The following KCNQ1 variants were observed in gnomAD, a reference collection of about 807,000 sequenced individuals.
The protein encoded by KCNQ1 is potassium voltage-gated channel subfamily KQT member 1.
A neutral mutation model predicts 72.4 loss-of-function variants in KCNQ1; 49 were observed. That is an observed-to-expected ratio of 0.68 (90% CI 0.54 to 0.86). The LOEUF is 0.86. KCNQ1 is among the 40% of genes least tolerant of loss of function. KCNQ1 has a pLI of 0.00. For synonymous variants in KCNQ1, 450 were observed against 412.6 expected, an observed-to-expected ratio of 1.09 and a Z score of -1.10; for missense variants, 790 against 945.1, an observed-to-expected ratio of 0.84 and a Z score of 2.15.
At chr11:2,700,817 G>A (rs990339513) in intron 11 of KCNQ1, among the ~76,000 whole-genome samples, 3 of 152,104 alleles carry the variant, frequency 2.0e-5, no homozygotes, top group Non-Finnish European at 2.9e-5. Flanking sequence ...GCGTCTGCCG[G>A]CCCCTCCCCT....
Position 2,676,702 on chromosome 11 carries a change from C to T in KCNQ1, c.1514+14621C>T. On this transcript the variant is annotated intron_variant, in intron 11 of 15. Coordinates refer to ENST00000155840, the MANE Select transcript of KCNQ1 (RefSeq NM_000218.3). This position sits in a 1 kb window ranked among gnomAD's most constrained non-coding sequence, Gnocchi z 4.2. ...GAGCACTAACTGGACTACAGCCTGG[C>T]AGGAGATAACCAAGTCATATGCATA... The T allele has an allele frequency of 2.5e-6, 1 of 398,620 alleles. No homozygotes were observed. The highest frequency in any genetic ancestry group is 4.4e-6 in the Non-Finnish European group (1 of 226,066). 24.7% of individuals were successfully genotyped at this position (398,620 alleles called of 1,614,324 possible).
rs1850245080 is a variant in KCNQ1 at position 2,674,224 on chromosome 11, G to A, written c.1514+12143G>A. On this transcript the variant is annotated intron_variant, in intron 11 of 15. Coordinates refer to ENST00000155840, the MANE Select transcript of KCNQ1 (RefSeq NM_000218.3). This position sits in a 1 kb window ranked among gnomAD's most constrained non-coding sequence, Gnocchi z 5.9. ...AGTTGTGGGTTTTTCTTGGGGCCCA[G>A]ATAGATGTGAGCAGAGCTGGAGGCC... 1 of 398,626 alleles carries A rather than the reference G, an allele frequency of 2.5e-6. No individual in the cohort carries two copies. Among genetic ancestry groups the A allele is most frequent in the Admixed American group, 4.4e-5 (1 of 22,722 alleles). 24.7% of individuals were successfully genotyped at this position (398,626 alleles called of 1,614,324 possible). A position where few individuals can be genotyped will look rare whatever the true frequency, so the allele number is the denominator to read the frequency against.
intron 11 of KCNQ1, chr11:2,672,030 G>A (rs923428179): frequency 7.5e-6 from 3 of 398,524 alleles, no homozygotes; most frequent in African/African-American, 2.1e-5. Flanking sequence ...TCCCTACCCT[G>A]GCCCGGTCTG....
In KCNQ1 at chr11:2,620,948, G is replaced by GT. The variant is rs58203092; in HGVS notation, c.1393+32103dup. 0.036 allele frequency: 13,926 copies of GT among 385,888 alleles called. 647 individuals are homozygous for GT. The highest frequency in any genetic ancestry group is 0.15 in the African/African-American group (7,031 of 47,484). The allele number at this position is 385,888 out of a possible 1,614,324, so 23.9% of individuals were successfully genotyped here. Reference sequence around the variant, plus strand: ...TTTTTTGTTGTTGTTGTTTTGTTTTGTTTTTTTTTGTCTGTTTTTTGCTTT... The same window carrying GT: ...TTTTTTGTTGTTGTTGTTTTGTTTTGTTTTTTTTTTGTCTGTTTTTTGCTTT... On this transcript the variant is annotated intron_variant, in intron 10 of 15. Transcript: ENST00000155840. The surrounding 1 kb of genome is among the most constrained non-coding windows in gnomAD (Gnocchi z 4.5).
chr11:2,814,966 CA>C (rs1279703346), intron 15 of KCNQ1, among the ~76,000 whole-genome samples: 42 of 152,340 alleles, frequency 2.8e-4, no homozygotes, highest in African/African-American at 8.9e-4. Context: ...CAGACGGCCC[CA>C]GCGCTATGCC....
intron 10 of KCNQ1, chr11:2,625,856 AC>A (rs1428078267): frequency 1.8e-5 from 7 of 398,546 alleles, no homozygotes; most frequent in African/African-American, 1.4e-4. Flanking sequence ...GGCGTGAGCC[AC>A]CGTGCCTGGC....
At chr11:2,718,284 C>T (rs1191384968) in intron 11 of KCNQ1, among the ~76,000 whole-genome samples, 2 of 152,200 alleles carry the variant, frequency 1.3e-5, no homozygotes, top group Non-Finnish European at 2.9e-5. Context: ...CAGGTAGACC[C>T]CCACACTTAG....
intron 1 of KCNQ1, among the ~76,000 whole-genome samples, chr11:2,466,250 G>A (rs1846350039): frequency 6.6e-6 from 1 of 152,200 alleles, no homozygotes. Flanking sequence ...GCCCAGAGTG[G>A]AGAAGCGATC....
rs1484280418 is a variant in KCNQ1, at chr11:2,613,451, A to G, written c.1393+24597A>G. ...TGCATAGGGTTTTCTATGGAATTCA[A>G]AATCAGATGAGCCTTCTTTGTTGCT... On this transcript the variant is annotated intron_variant, in intron 10 of 15. Transcript: ENST00000155840. The surrounding 1 kb of genome is among the most constrained non-coding windows in gnomAD (Gnocchi z 4.8). 2.5e-6 allele frequency: 1 copy of G among 398,460 alleles called. No homozygotes were observed. Among genetic ancestry groups the G allele is most frequent in the East Asian group, 3.6e-5 (1 of 28,084 alleles). The allele number at this position is 398,460 out of a possible 1,614,324, so 24.7% of individuals were successfully genotyped here.
rs163160 is a variant in KCNQ1, at chr11:2,768,725, A to G, written c.1515-119A>G. The G allele has an allele frequency of 0.18, 142,751 of 810,048 alleles. 13,305 individuals carry two copies. Among genetic ancestry groups the G allele is most frequent in the South Asian group, 0.2 (14,386 of 71,456 alleles). 50.2% of individuals were successfully genotyped at this position (810,048 alleles called of 1,614,324 possible). A position where few individuals can be genotyped will look rare whatever the true frequency, so the allele number is the denominator to read the frequency against. On this transcript the variant is annotated intron_variant, in intron 11 of 15. Transcript: ENST00000155840. This position sits in a 1 kb window ranked among gnomAD's most constrained non-coding sequence, Gnocchi z 6.7. ...AAGTATCTCCATCCCATGGAGTTGA[A>G]CACTCTCCTTGTTTCTGGAAGGATC...
At position 2,848,916 on chromosome 11, in the gene KCNQ1, G is replaced by C. The variant is rs1383143392; in HGVS notation, c.*913G>C. ...CAATAATTTGTGGTGATTTGGATCT[G>C]TGTTTTAATGAGTTTCACAGTGTGA... On this transcript the variant is annotated 3_prime_UTR_variant, in exon 16 of 16. Transcript: ENST00000155840. 2 of 454,040 alleles carry C rather than the reference G, an allele frequency of 4.4e-6. No individual in the cohort carries two copies. Among genetic ancestry groups the C allele is most frequent in the African/African-American group, 4.0e-5 (2 of 50,014 alleles). 28.1% of individuals were successfully genotyped at this position (454,040 alleles called of 1,614,324 possible).
rs191887039 is a variant in KCNQ1, at chr11:2,592,639, C to T, written c.1393+3785C>T. Among the ~76,000 whole-genome samples the T allele has an allele frequency of 6.0e-4, 92 of 152,316 alleles. No individual in the cohort carries two copies. The highest frequency in any genetic ancestry group is 2.1e-3 in the African/African-American group (89 of 41,580). ...CATGAAGGATGCATGGGGACCCAAC[C>T]GCATGCCACTTGGCTTGGCAGTGTC... On this transcript the variant is annotated intron_variant, in intron 10 of 15. Coordinates refer to ENST00000155840, the MANE Select transcript of KCNQ1 (RefSeq NM_000218.3). The surrounding 1 kb of genome is among the most constrained non-coding windows in gnomAD (Gnocchi z 5.2).
chr11:2,479,897 C>T lies in KCNQ1; in HGVS notation c.386+34413C>T, dbSNP rs568060153. Among the ~76,000 whole-genome samples the T allele has an allele frequency of 2.6e-5, 4 of 152,344 alleles. No individual in the cohort carries two copies. Among genetic ancestry groups the T allele is most frequent in the Non-Finnish European group, 5.9e-5 (4 of 68,022 alleles). On this transcript the variant is annotated intron_variant, in intron 1 of 15. Transcript: ENST00000155840. The surrounding 1 kb of genome is among the most constrained non-coding windows in gnomAD (Gnocchi z 4.6). ...AAGTCACCTCTTGAAAGCTTTGCAG[C>T]TTAGAAATTTCTTCCACCAAATACC...
chr11:2,461,401 C>A, intron 1 of KCNQ1: 1 of 1,268,330 alleles, frequency 7.9e-7, no homozygotes, highest in Non-Finnish European at 1.0e-6. Context: ...GATAAGCCTG[C>A]TGACTGGGTG....
intron 11 of KCNQ1, among the ~76,000 whole-genome samples, chr11:2,718,222 A>G (rs56881337): frequency 0.021 from 3,163 of 152,104 alleles, 108 homozygotes; most frequent in African/African-American, 0.073. Context: ...GTCCTTCCCC[A>G]CATCCCCCTC....
intron 2 of KCNQ1, among the ~76,000 whole-genome samples, chr11:2,552,118 CT>C (rs1322705656): frequency 1.4e-4 from 20 of 146,412 alleles, no homozygotes; most frequent in Middle Eastern, 3.6e-3. Context: ...CAGGGTTCTT[CT>C]TTTTTTTTTT....
Position 2,713,883 on chromosome 11 carries a change from G to A in KCNQ1, c.1514+51802G>A, listed in dbSNP as rs1033288878. On this transcript the variant is annotated intron_variant, in intron 11 of 15. Transcript: ENST00000155840. The surrounding 1 kb of genome is among the most constrained non-coding windows in gnomAD (Gnocchi z 5.6). ...ATGGGCAAACGCGCGCTCGGAGCCTGGCCCTGCAGACACGATGGCCCAGCA... is the reference window on the plus strand; with the variant it reads ...ATGGGCAAACGCGCGCTCGGAGCCTAGCCCTGCAGACACGATGGCCCAGCA... Among the ~76,000 whole-genome samples, 2 of 152,242 alleles carry A rather than the reference G, an allele frequency of 1.3e-5. No individual in the cohort carries two copies. The highest frequency in any genetic ancestry group is 1.3e-4 in the Admixed American group (2 of 15,288).
rs1850133781 is a variant in KCNQ1, at chr11:2,669,005, C to A, written c.1514+6924C>A. 1 of 398,672 alleles carries A rather than the reference C, an allele frequency of 2.5e-6. No individual in the cohort carries two copies. Among genetic ancestry groups the A allele is most frequent in the Non-Finnish European group, 4.4e-6 (1 of 226,090 alleles). The allele number at this position is 398,672 out of a possible 1,614,324, so 24.7% of individuals were successfully genotyped here. ...AGGCCGAGGTCAAGGTCCACTCTTC[C>A]CCTACTTGGATATCCAGTCTAGCTC... On this transcript the variant is annotated intron_variant, in intron 11 of 15. Coordinates refer to ENST00000155840, the MANE Select transcript of KCNQ1 (RefSeq NM_000218.3). The surrounding 1 kb of genome is among the most constrained non-coding windows in gnomAD (Gnocchi z 5.6).
chr11:2,448,764 G>C (rs1245980177), intron 1 of KCNQ1, among the ~76,000 whole-genome samples: 3 of 152,222 alleles, frequency 2.0e-5, no homozygotes, highest in Admixed American at 2.0e-4. Flanking sequence ...TACCTTCTGT[G>C]GGGCATGAGC....
Sources: allele counts gnomAD v4.1 joint callset (sites outside exome capture counted in the v4.1 genomes callset), GRCh38; gene constraint gnomAD v4.1.1; non-coding constraint Gnocchi (gnomAD v3.1); transcripts MANE v1.5; gene names NCBI Gene and HGNC (gene_info 2026-07-23, HGNC 2026-07-21).